NTNG1: variants seen among roughly 807,000 people sequenced by gnomAD.
NTNG1 encodes the protein netrin G1.
A neutral mutation model predicts 54.0 loss-of-function variants in NTNG1; 16 were observed. That is an observed-to-expected ratio of 0.30 (90% CI 0.20 to 0.45). The LOEUF (loss-of-function observed/expected upper bound fraction) is 0.45. NTNG1 is among the 20% of genes least tolerant of loss of function. The probability of loss-of-function intolerance (pLI) is 1.00; values close to 1 mark genes in which losing one functional copy is unlikely to be tolerated. For synonymous variants in NTNG1, 255 were observed against 263.1 expected (o/e 0.97, Z 0.30); for missense variants, 530 against 678.7 (o/e 0.78, Z 2.43).
chr1:107,140,485 T>C (rs1653573054), upstream of NTNG1, among the ~76,000 whole-genome samples: 1 of 151,874 alleles, frequency 6.6e-6, no homozygotes, highest in Non-Finnish European at 1.5e-5. Context: ...GTATATTTCA[T>C]CAAACGGACT....
intron 2 of NTNG1, among the ~76,000 whole-genome samples, chr1:107,220,822 T>C (rs2101462878): frequency 6.6e-6 from 1 of 152,320 alleles, no homozygotes; most frequent in Middle Eastern, 3.4e-3. Context: ...ATACCCTTCC[T>C]GTGGAAAAGG....
At chr1:107,439,604 A>C (rs1675836211) in intron 7 of NTNG1, among the ~76,000 whole-genome samples, 1 of 152,010 alleles carries the variant, frequency 6.6e-6, no homozygotes, top group Middle Eastern at 3.2e-3. Context: ...AACATAGGAG[A>C]TTTTTCTCAC....
Position 107,324,590 on chromosome 1 carries a change from T to A in NTNG1, c.555T>A (p.Ala185=), listed in dbSNP as rs1295166754. The A allele has an allele frequency of 6.2e-7, 1 of 1,613,702 alleles. No individual in the cohort carries two copies. Among genetic ancestry groups the A allele is most frequent in the Non-Finnish European group, 8.5e-7 (1 of 1,179,846 alleles). Residue 185 remains alanine, a synonymous_variant, in exon 3 of 8, where the codon GCT becomes GCA. Transcript: ENST00000370068. ...ATTATGCCACAGACTGCTTAGATGCTTTTCACATGGATCCTAAATCCGTGA... is the reference window on the plus strand; with the variant it reads ...ATTATGCCACAGACTGCTTAGATGCATTTCACATGGATCCTAAATCCGTGA... ...YQYYATDCLD[A]FHMDPKSVKD... is the part of the protein sequence containing the mutation.
intron 2 of NTNG1, among the ~76,000 whole-genome samples, chr1:107,208,457 G>GAAAGA (rs1390161687): frequency 2.7e-5 from 4 of 149,794 alleles, no homozygotes; most frequent in Non-Finnish European, 5.9e-5. Flanking sequence ...AAGAAAGAAA[G>GAAAGA]AAAGAAAAGA....
chr1:107,229,776 A>G (rs1660937359), intron 2 of NTNG1, among the ~76,000 whole-genome samples: 1 of 151,608 alleles, frequency 6.6e-6, no homozygotes. Context: ...TGATTCCTTC[A>G]CTTAAGTCAT....
At chr1:107,462,730 G>A (rs925451725) in intron 7 of NTNG1, among the ~76,000 whole-genome samples, 2 of 152,196 alleles carry the variant, frequency 1.3e-5, no homozygotes, top group African/African-American at 4.8e-5. Context: ...CTGTTTGCCA[G>A]ATGTTTCATA....
At chr1:107,385,212 C>T (rs1362880933) in intron 3 of NTNG1, among the ~76,000 whole-genome samples, 6 of 152,154 alleles carry the variant, frequency 3.9e-5, no homozygotes, top group Admixed American at 1.3e-4. Context: ...GGACTGGGAT[C>T]GTGGCCTCTG....
chr1:107,196,595 CCTTTCTCTGCTTCAACT>C (rs1426472549), intron 2 of NTNG1, among the ~76,000 whole-genome samples: 3 of 151,914 alleles, frequency 2.0e-5, no homozygotes, highest in Non-Finnish European at 4.4e-5. Flanking sequence ...AATAACACAA[CCTTTCTCTGCTTCAACT>C]TCCTGTGAGG....
intron 2 of NTNG1, among the ~76,000 whole-genome samples, chr1:107,258,363 A>G (rs1443668093): frequency 3.3e-5 from 5 of 152,088 alleles, no homozygotes; most frequent in Non-Finnish European, 7.4e-5. Flanking sequence ...CTCTGAATTA[A>G]AGCGTGTTAC....
intron 2 of NTNG1, among the ~76,000 whole-genome samples, chr1:107,228,780 G>T (rs1255355511): frequency 6.6e-6 from 1 of 152,138 alleles, no homozygotes. Flanking sequence ...AGAAAGACCT[G>T]AGTCACCAAA....
chr1:107,366,973 T>C (rs1022020317), intron 3 of NTNG1, among the ~76,000 whole-genome samples: 5 of 152,180 alleles, frequency 3.3e-5, no homozygotes, highest in African/African-American at 9.7e-5. Flanking sequence ...TCTTAAAATG[T>C]ATATTACTTG....
chr1:107,452,913 T>C (rs1052181621), intron 7 of NTNG1, among the ~76,000 whole-genome samples: 1 of 152,182 alleles, frequency 6.6e-6, no homozygotes, highest in Non-Finnish European at 1.5e-5. Context: ...GAATTGAAAG[T>C]CCATCCTTTA....
intron 2 of NTNG1, among the ~76,000 whole-genome samples, chr1:107,284,754 C>G (rs1420191776): frequency 6.6e-6 from 1 of 151,932 alleles, no homozygotes; most frequent in Non-Finnish European, 1.5e-5. Flanking sequence ...ACTATGGGTG[C>G]TTTTTTCTCC....
At chr1:107,309,781 T>G (rs754561828) in intron 2 of NTNG1, among the ~76,000 whole-genome samples, 4 of 152,148 alleles carry the variant, frequency 2.6e-5, no homozygotes, top group Non-Finnish European at 5.9e-5. Flanking sequence ...GCTCTCCAAT[T>G]AATCAAACCC....
chr1:107,202,260 T>C lies in NTNG1; in HGVS notation c.246+53421T>C, dbSNP rs1658813290. Among the ~76,000 whole-genome samples the C allele has an allele frequency of 2.6e-5, 4 of 151,900 alleles. No homozygotes were observed. In the South Asian group the frequency reaches 8.3e-4, roughly 31 times the overall value. ...TTGTACTTTTTCCTATTTTCAAATC[T>C]CAGTTTCAACCTTTACTAACTTTGT... On this transcript the variant is annotated intron_variant, in intron 2 of 7. Transcript: ENST00000370068.
At chr1:107,213,778 TAA>T (rs1248491448) in intron 2 of NTNG1, among the ~76,000 whole-genome samples, 2 of 152,164 alleles carry the variant, frequency 1.3e-5, no homozygotes, top group Non-Finnish European at 2.9e-5. Context: ...TGCAACATGT[TAA>T]AAAGAGTCCG....
intron 2 of NTNG1, among the ~76,000 whole-genome samples, chr1:107,252,558 T>C (rs1046689583): frequency 2.6e-5 from 4 of 152,216 alleles, no homozygotes; most frequent in African/African-American, 9.6e-5. Context: ...TCCCTAGTTC[T>C]CTTAGCAGAC....
intron 2 of NTNG1, among the ~76,000 whole-genome samples, chr1:107,201,744 AC>A (rs1557804652): frequency 6.6e-6 from 1 of 151,876 alleles, no homozygotes; most frequent in African/African-American, 2.4e-5. Context: ...ATAACATGTA[AC>A]CTGTTAAAAT....
At chr1:107,176,430 A>G (rs1375873341) in intron 2 of NTNG1, among the ~76,000 whole-genome samples, 1 of 152,240 alleles carries the variant, frequency 6.6e-6, no homozygotes, top group African/African-American at 2.4e-5. Context: ...ATCTTTATAA[A>G]TAACTCAGTT....
Sources: gnomAD v4.1 joint callset for allele counts (sites outside exome capture counted in the v4.1 genomes callset) on GRCh38, gnomAD v4.1.1 for gene constraint, MANE v1.5 for transcripts, NCBI Gene and HGNC (gene_info 2026-07-23, HGNC 2026-07-21) for gene names.